LMX1A: variants seen among roughly 807,000 people sequenced by gnomAD.
LMX1A encodes the protein LIM homeobox transcription factor 1 alpha.
A neutral mutation model predicts 49.1 loss-of-function variants in LMX1A; 15 were observed. That is an observed-to-expected ratio of 0.31 (90% CI 0.20 to 0.47). The LOEUF (loss-of-function observed/expected upper bound fraction) is 0.47. Ranked by LOEUF, LMX1A falls within the 20% of genes least tolerant of loss-of-function variation. The pLI is 1.00. For missense variants in LMX1A, 372 were observed against 475.8 expected, an observed-to-expected ratio of 0.78 and a Z score of 2.03; for synonymous variants, 167 against 185.7, an observed-to-expected ratio of 0.90 and a Z score of 0.82.
chr1:165,301,285 T>G (rs1326120883), intron 3 of LMX1A, among the ~76,000 whole-genome samples: 1 of 152,106 alleles, frequency 6.6e-6, no homozygotes, highest in Non-Finnish European at 1.5e-5. Context: ...AACTGTATGG[T>G]TGAATACCTG....
Position 165,203,782 on chromosome 1 carries a change from C to A in LMX1A, c.*98G>T. The A allele has an allele frequency of 8.5e-7, 1 of 1,178,330 alleles. No individual in the cohort carries two copies. The highest frequency in any genetic ancestry group is 1.2e-6 in the Non-Finnish European group (1 of 813,266). 73.0% of individuals were successfully genotyped at this position (1,178,330 alleles called of 1,614,324 possible). On this transcript the variant is annotated 3_prime_UTR_variant, in exon 9 of 9. Coordinates refer to ENST00000342310, the MANE Select transcript of LMX1A (RefSeq NM_177398.4). The stretch of plus-strand genomic sequence containing the variant: ...TCCCCAACAAAACTCCCTCCCCAAC[C>A]CACCTCTTCCCTGGCCTCCCTGTCC...
intron 5 of LMX1A, among the ~76,000 whole-genome samples, chr1:165,212,689 C>T (rs1420156222): frequency 6.6e-6 from 1 of 152,096 alleles, no homozygotes; most frequent in African/African-American, 2.4e-5. Flanking sequence ...AGTCGATAAA[C>T]AATAAGTACT....
At chr1:165,276,551 G>A (rs1328043299) in intron 3 of LMX1A, among the ~76,000 whole-genome samples, 1 of 152,070 alleles carries the variant, frequency 6.6e-6, no homozygotes, top group African/African-American at 2.4e-5. Context: ...CCAAACCAGG[G>A]TGAACACAAT....
chr1:165,270,387 G>A (rs1653759263), intron 3 of LMX1A, among the ~76,000 whole-genome samples: 1 of 152,182 alleles, frequency 6.6e-6, no homozygotes, highest in East Asian at 1.9e-4. Flanking sequence ...GGAGACTCAG[G>A]AAACTCCTGT....
intron 4 of LMX1A, among the ~76,000 whole-genome samples, chr1:165,222,788 G>A (rs182988404): frequency 6.6e-6 from 1 of 152,322 alleles, no homozygotes; most frequent in African/African-American, 2.4e-5. Context: ...GGAGAGGAAA[G>A]CCGAGGCCCA....
intron 3 of LMX1A, among the ~76,000 whole-genome samples, chr1:165,329,543 C>T (rs35537661): frequency 6.6e-6 from 1 of 151,960 alleles, no homozygotes; most frequent in Non-Finnish European, 1.5e-5. Context: ...AATTGAACAT[C>T]CCCACTAAAT....
At chr1:165,338,293 T>C (rs1443070819) in intron 3 of LMX1A, among the ~76,000 whole-genome samples, 1 of 152,208 alleles carries the variant, frequency 6.6e-6, no homozygotes, top group African/African-American at 2.4e-5. Flanking sequence ...TAGCCAGCAA[T>C]GTCAGGGCAA....
At chr1:165,290,663 T>C (rs949890871) in intron 3 of LMX1A, among the ~76,000 whole-genome samples, 1 of 152,192 alleles carries the variant, frequency 6.6e-6, no homozygotes, top group Admixed American at 6.5e-5. Context: ...GCTGAGAACA[T>C]AGCAGATAAA....
chr1:165,270,827 A>T (rs1653770381), intron 3 of LMX1A, among the ~76,000 whole-genome samples: 1 of 152,188 alleles, frequency 6.6e-6, no homozygotes, highest in Non-Finnish European at 1.5e-5. Context: ...ATCCTGGAAA[A>T]GTAGGGACCA....
At chr1:165,333,852 T>C (rs1655822862) in intron 3 of LMX1A, among the ~76,000 whole-genome samples, 1 of 152,098 alleles carries the variant, frequency 6.6e-6, no homozygotes, top group African/African-American at 2.4e-5. Flanking sequence ...TTACATTAGG[T>C]GTTTTCTAAT....
intron 4 of LMX1A, among the ~76,000 whole-genome samples, chr1:165,244,915 G>A (rs193099482): frequency 1.6e-4 from 25 of 151,916 alleles, no homozygotes; most frequent in Middle Eastern, 3.4e-3. Flanking sequence ...TGCTTGGGAG[G>A]CTGCTTCAAG....
chr1:165,219,580 A>C (rs1409842114), intron 4 of LMX1A, among the ~76,000 whole-genome samples: 6 of 152,222 alleles, frequency 3.9e-5, no homozygotes, highest in Non-Finnish European at 1.5e-5. Flanking sequence ...TCTCAATGCA[A>C]TGAACTCAAA....
In LMX1A at chr1:165,322,948, C is replaced by T. The variant is rs560343352; in HGVS notation, c.263+30128G>A. On this transcript the variant is annotated intron_variant, in intron 3 of 8. Transcript: ENST00000342310. ...TTTATTCATGTCCTAATTCAGTACA[C>T]CAGTGCTGTGCCCCTTAGATCAGAA... 2.0e-4 allele frequency among the ~76,000 whole-genome samples: 31 copies of T among 152,234 alleles called. No individual in the cohort carries two copies. The South Asian group carries it at 6.0e-3, about 29-fold the overall frequency.
Position 165,355,894 on chromosome 1 carries a change from G to C in LMX1A, c.-22-313C>G. On this transcript the variant is annotated intron_variant, in intron 1 of 8. Coordinates refer to ENST00000342310, the MANE Select transcript of LMX1A (RefSeq NM_177398.4). This position sits in a 1 kb window ranked among gnomAD's most constrained non-coding sequence, Gnocchi z 4.7. ...GCCCCAGGTTTTCCATCCCGAATCC[G>C]ACTCCGCCCCAACCTATACGAAGGT... The C allele has an allele frequency of 8.0e-6, 3 of 377,152 alleles. No homozygotes were observed. In the South Asian group the frequency reaches 1.1e-4, roughly 14 times the overall value. 23.4% of individuals were successfully genotyped at this position (377,152 alleles called of 1,614,324 possible). A position where few individuals can be genotyped will look rare whatever the true frequency, so the allele number is the denominator to read the frequency against.
In LMX1A at chr1:165,211,108, T is replaced by C. The variant is rs1651366968; in HGVS notation, c.670-332A>G. Reference sequence around the variant, plus strand: ...GTGCTTTAGCTATAAGCCATGCATATGCATTGACCTACTTAAGGAGATCTG... The same window carrying C: ...GTGCTTTAGCTATAAGCCATGCATACGCATTGACCTACTTAAGGAGATCTG... On this transcript the variant is annotated intron_variant, in intron 5 of 8. Transcript: ENST00000342310. 3 of 195,194 alleles carry C rather than the reference T, an allele frequency of 1.5e-5. No homozygotes were observed. The East Asian group carries it at 3.6e-4, about 23-fold the overall frequency. The allele number at this position is 195,194 out of a possible 1,614,324, so 12.1% of individuals were successfully genotyped here.
chr1:165,323,558 C>T (rs978012785), intron 3 of LMX1A, among the ~76,000 whole-genome samples: 5 of 152,174 alleles, frequency 3.3e-5, no homozygotes, highest in African/African-American at 4.8e-5. Flanking sequence ...ATATAAAATG[C>T]GTACCCAGAT....
intron 4 of LMX1A, among the ~76,000 whole-genome samples, chr1:165,239,224 T>G (rs1160020182): frequency 6.6e-6 from 1 of 152,262 alleles, no homozygotes; most frequent in Non-Finnish European, 1.5e-5. Flanking sequence ...TCATTATTCA[T>G]TTTAATCAAA....
intron 3 of LMX1A, among the ~76,000 whole-genome samples, chr1:165,307,458 A>G (rs935321462): frequency 1.3e-5 from 2 of 152,252 alleles, no homozygotes; most frequent in Non-Finnish European, 2.9e-5. Context: ...GCCCAAGGCC[A>G]CAGTACAACT....
chr1:165,203,965 G>T lies in LMX1A; in HGVS notation c.1064C>A (p.Thr355Asn), dbSNP rs777870473. 8.1e-6 allele frequency: 13 copies of T among 1,614,002 alleles called. No homozygotes were observed. Among genetic ancestry groups the T allele is most frequent in the African/African-American group, 2.7e-5 (2 of 74,914 alleles). ...LSNLGDCFLA[T>N]SEAGPLQSRV... Reference sequence around the variant, plus strand: ...GGACTGCAGAGGCCCAGCTTCTGAGGTTGCTAGGAAACAATCACCCAGGTT... The same window carrying T: ...GGACTGCAGAGGCCCAGCTTCTGAGTTTGCTAGGAAACAATCACCCAGGTT... Residue 355 changes from threonine (T) to asparagine (N), a missense_variant, in exon 9 of 9, where the codon ACC becomes AAC. By Grantham distance (65) the Thr-to-Asn change is moderately conservative (BLOSUM62 0). Coordinates refer to ENST00000342310, the MANE Select transcript of LMX1A (RefSeq NM_177398.4).
Sources: gnomAD v4.1 joint callset for allele counts (sites outside exome capture counted in the v4.1 genomes callset) on GRCh38, gnomAD v4.1.1 for gene constraint, Gnocchi (gnomAD v3.1) non-coding constraint, MANE v1.5 for transcripts, NCBI Gene and HGNC (gene_info 2026-07-23, HGNC 2026-07-21) for gene names.